PHF20L1: variants seen among roughly 807,000 people sequenced by gnomAD.
PHF20L1 encodes the protein PHD finger protein 20-like protein 1.
PHF20L1 carries 44 observed loss-of-function variants against 125.5 expected under a neutral mutation model. That is an observed-to-expected ratio of 0.35 (90% CI 0.28 to 0.45). The LOEUF (loss-of-function observed/expected upper bound fraction) is 0.45. Ranked by LOEUF, PHF20L1 falls within the 20% of genes least tolerant of loss-of-function variation. The pLI is 1.00. For synonymous variants in PHF20L1, 380 were observed against 403.1 expected (o/e 0.94, Z 0.69); for missense variants, 1,012 against 1,217.2 (o/e 0.83, Z 2.51).
chr8:132,816,742 C>T (rs557394787), intron 10 of PHF20L1, 146 bp from the exon 11 acceptor site: 28 of 601,370 alleles, frequency 4.7e-5, no homozygotes, highest in Admixed American at 6.8e-5. Flanking sequence ...CCTTTGATTA[C>T]CTTTGGAACA....
intron 19 of PHF20L1, chr8:132,843,603 CA>C: frequency 1.9e-5 from 15 of 774,284 alleles, no homozygotes; most frequent in Non-Finnish European, 2.2e-5. Flanking sequence ...TCCAAACGCA[CA>C]TTGTGTGTGT....
At chr8:132,781,327 A>G (rs1230972151) in intron 2 of PHF20L1, among the ~76,000 whole-genome samples, 1 of 152,224 alleles carries the variant, frequency 6.6e-6, no homozygotes, top group Non-Finnish European at 1.5e-5. Flanking sequence ...ACCATATCGT[A>G]TAATTCTTAC....
At position 132,782,307 on chromosome 8, in the gene PHF20L1, TAGC is replaced by T. The variant is rs1366042197; in HGVS notation, c.83+4399_83+4401del. ...GGTAAGTCCTTTAACTTGGTTTTCT[TAGC>T]AGTAAAATGGAAGCAGTATTACTGG... is the stretch of plus-strand genomic sequence containing the variant. On this transcript the variant is annotated intron_variant, in intron 2 of 20. Transcript: ENST00000395386. Among the ~76,000 whole-genome samples, 9 of 152,354 alleles carry T rather than the reference TAGC, an allele frequency of 5.9e-5. No homozygotes were observed. In the South Asian group the frequency reaches 1.7e-3, roughly 28 times the overall value.
chr8:132,826,636 AT>A (rs1225882417), intron 14 of PHF20L1: 1 of 152,104 alleles, frequency 6.6e-6, no homozygotes, highest in Non-Finnish European at 1.5e-5. Context: ...TTTTTAAGAG[AT>A]TCAACTGTGT....
chr8:132,781,125 G>T (rs1211785845), intron 2 of PHF20L1, among the ~76,000 whole-genome samples: 4 of 151,906 alleles, frequency 2.6e-5, no homozygotes, highest in Non-Finnish European at 4.4e-5. Context: ...TGTACTCCTG[G>T]CTGGTTTCTC....
intron 14 of PHF20L1, among the ~76,000 whole-genome samples, chr8:132,831,242 C>T (rs1485272005): frequency 6.6e-6 from 1 of 152,054 alleles, no homozygotes; most frequent in Non-Finnish European, 1.5e-5. Context: ...TAATCTGGCT[C>T]CTGTCACTCT....
chr8:132,837,489 A>G (rs1837492759), intron 16 of PHF20L1, among the ~76,000 whole-genome samples: 1 of 152,180 alleles, frequency 6.6e-6, no homozygotes, highest in Admixed American at 6.5e-5. Flanking sequence ...ATCAAAGCAT[A>G]TTCTAATAGG....
intron 9 of PHF20L1, chr8:132,811,430 TTACAC>T: frequency 8.6e-6 from 9 of 1,043,398 alleles, no homozygotes; most frequent in Non-Finnish European, 1.0e-5. Context: ...AAAAAGACCC[TTACAC>T]AAATACTTTC....
At chr8:132,779,332 T>C (rs1830173659) in intron 2 of PHF20L1, among the ~76,000 whole-genome samples, 1 of 152,292 alleles carries the variant, frequency 6.6e-6, no homozygotes, top group Admixed American at 6.5e-5. Flanking sequence ...GTAAAAATGA[T>C]TGAGAAACTC....
At chr8:132,843,651 A>G in intron 19 of PHF20L1, 1 of 979,554 alleles carries the variant, frequency 1.0e-6, no homozygotes, top group Non-Finnish European at 1.2e-6. Flanking sequence ...AGCAGTTTGT[A>G]CTTTTGAAAC....
Position 132,775,598 on chromosome 8 carries a change from G to C in PHF20L1, c.-85G>C. ...GGCTGGCCGCCCTGCTCGTGCCCCA[G>C]CTCGGCCCCGGACGGCCCGGCTGCT... On this transcript the variant is annotated 5_prime_UTR_variant, in exon 1 of 21. Coordinates refer to ENST00000395386, the MANE Select transcript of PHF20L1 (RefSeq NM_016018.5). The C allele has an allele frequency of 2.9e-6, 1 of 347,314 alleles. No individual in the cohort carries two copies. The highest frequency in any genetic ancestry group is 5.2e-6 in the Non-Finnish European group (1 of 192,662). The allele number at this position is 347,314 out of a possible 1,614,324, so 21.5% of individuals were successfully genotyped here.
intron 2 of PHF20L1, among the ~76,000 whole-genome samples, chr8:132,782,427 TA>T (rs1830530484): frequency 1.3e-5 from 2 of 152,236 alleles, no homozygotes; most frequent in South Asian, 4.1e-4. Context: ...AGCATTGAGG[TA>T]AATGCAAGGG....
chr8:132,785,610 A>G (rs946480953), intron 2 of PHF20L1, among the ~76,000 whole-genome samples: 1 of 151,958 alleles, frequency 6.6e-6, no homozygotes, highest in Non-Finnish European at 1.5e-5. Flanking sequence ...AGTGTTGACC[A>G]CTCCCTATCA....
chr8:132,842,463 T>C, intron 18 of PHF20L1, 52 bp from the exon 19 acceptor site: 1 of 1,478,880 alleles, frequency 6.8e-7, no homozygotes, highest in Non-Finnish European at 9.1e-7. Flanking sequence ...TTCAGCTTGT[T>C]AATAGATTTT....
chr8:132,829,488 A>G (rs1836539016), intron 14 of PHF20L1, among the ~76,000 whole-genome samples: 1 of 152,058 alleles, frequency 6.6e-6, no homozygotes. Flanking sequence ...TGTCCTTTCC[A>G]TGTCTGGGCC....
rs765857536 is a variant in PHF20L1 at position 132,844,314 on chromosome 8, C to T, written c.2907C>T (p.Val969=). The change falls in exon 20 of 21, where the codon GTC becomes GTT. Residue 969 remains valine (V), a synonymous_variant. Transcript: ENST00000395386. ...TSRMDLIEKE[V]DVLESWLDFT... The stretch of plus-strand genomic sequence containing the variant: ...GGATGGACCTAATAGAAAAAGAAGT[C>T]GATGGTAATTTAAGAAAGAACTAAA... The T allele has an allele frequency of 1.6e-5, 26 of 1,599,110 alleles. No individual in the cohort carries two copies. The African/African-American group carries it at 2.6e-4, about 16-fold the overall frequency.
chr8:132,812,585 T>C, intron 9 of PHF20L1: 1 of 983,584 alleles, frequency 1.0e-6, no homozygotes, highest in Middle Eastern at 5.2e-4. Flanking sequence ...TAAATTATTT[T>C]AGATTTTCAG....
chr8:132,807,174 C>G (rs1471996052), intron 8 of PHF20L1: 1 of 152,808 alleles, frequency 6.5e-6, no homozygotes, highest in Non-Finnish European at 1.5e-5. Context: ...CATATATGTA[C>G]ACATATGCAT....
chr8:132,790,668 C>G (rs1831584483), intron 2 of PHF20L1, among the ~76,000 whole-genome samples: 1 of 152,144 alleles, frequency 6.6e-6, no homozygotes, highest in Non-Finnish European at 1.5e-5. Context: ...GACAAATAAC[C>G]ATATCCTACT....
Sources: allele counts gnomAD v4.1 joint callset (sites outside exome capture counted in the v4.1 genomes callset), GRCh38; gene constraint gnomAD v4.1.1; transcripts MANE v1.5; gene names NCBI Gene and HGNC (gene_info 2026-07-23, HGNC 2026-07-21).